The following GPC4 variants were observed in gnomAD, a reference collection of about 807,000 sequenced individuals.
GPC4 encodes glypican-4.
In GPC4, 10 loss-of-function variants were observed where a neutral mutation model predicts 35.0. That is an observed-to-expected ratio of 0.29 (90% confidence interval 0.18 to 0.48). The LOEUF (loss-of-function observed/expected upper bound fraction) is 0.48, where lower values mean the gene tolerates loss of function less well. Ranked by LOEUF, GPC4 falls within the 20% of genes least tolerant of loss-of-function variation. The pLI, the probability that GPC4 is intolerant of heterozygous loss-of-function variation, is 0.99. For missense variants in GPC4, 322 were observed against 451.3 expected (o/e 0.71, Z 2.60); for synonymous variants, 167 against 170.2 (o/e 0.98, Z 0.15).
At chrX:133,411,770 T>C (rs1315883647) in intron 1 of GPC4, among the ~76,000 whole-genome samples, 1 of 111,100 alleles carries the variant, frequency 9.0e-6, no homozygotes, top group Admixed American at 9.6e-5. Context: ...AAACATAATC[T>C]TTGTGTTAAA....
chrX:133,308,998 A>AG (rs1556023595), intron 4 of GPC4, among the ~76,000 whole-genome samples: 42 of 110,507 alleles, frequency 3.8e-4, no homozygotes, highest in African/African-American at 1.3e-3. Flanking sequence ...AAAAAAAAAA[A>AG]AGAGAGAGAG....
chrX:133,349,017 A>T (rs909866147), intron 1 of GPC4, among the ~76,000 whole-genome samples: 3 of 112,415 alleles, frequency 2.7e-5, no homozygotes, highest in African/African-American at 9.7e-5. Flanking sequence ...AAAGCAGCCT[A>T]GACAGAAAAC....
intron 3 of GPC4, among the ~76,000 whole-genome samples, chrX:133,316,669 G>A (rs2068339826): frequency 8.9e-6 from 1 of 111,751 alleles, no homozygotes; most frequent in African/African-American, 3.3e-5. Context: ...AGATAACATT[G>A]TTTAGTAAAA....
chrX:133,401,907 C>G (rs2068768910), intron 1 of GPC4, among the ~76,000 whole-genome samples: 1 of 112,396 alleles, frequency 8.9e-6, no homozygotes, highest in Non-Finnish European at 1.9e-5. Flanking sequence ...ATCCTGGTGA[C>G]AGGTGATGTT....
At chrX:133,318,700 C>G (rs752591518) in intron 3 of GPC4, among the ~76,000 whole-genome samples, 1 of 112,365 alleles carries the variant, frequency 8.9e-6, no homozygotes, top group Non-Finnish European at 1.9e-5. Flanking sequence ...AAGACCACAA[C>G]AGACTTCATC....
At chrX:133,374,180 C>T (rs1293674015) in intron 1 of GPC4, among the ~76,000 whole-genome samples, 5 of 111,313 alleles carry the variant, frequency 4.5e-5, no homozygotes, top group Non-Finnish European at 3.8e-5. Context: ...AAGTGTTTGG[C>T]AACGTGGGGG....
chrX:133,374,246 C>T (rs2068624562), intron 1 of GPC4, among the ~76,000 whole-genome samples: 2 of 111,147 alleles, frequency 1.8e-5, no homozygotes, highest in South Asian at 7.7e-4. Flanking sequence ...GCTCTTTATA[C>T]AAAAGAGTAA....
At chrX:133,312,040 G>C (rs767954956) in intron 3 of GPC4, among the ~76,000 whole-genome samples, 1 of 111,524 alleles carries the variant, frequency 9.0e-6, no homozygotes, top group African/African-American at 3.3e-5. Flanking sequence ...TTAAACTTAG[G>C]GGGTGTGTGA....
At chrX:133,353,229 G>A (rs1229472529) in intron 1 of GPC4, among the ~76,000 whole-genome samples, 2 of 111,650 alleles carry the variant, frequency 1.8e-5, no homozygotes, top group Non-Finnish European at 3.8e-5. Flanking sequence ...AGAATGAAAC[G>A]GCTGCATCTT....
intron 1 of GPC4, 95 bp downstream of exon 1, chrX:133,414,711 C>T (rs181286778): frequency 7.5e-4 from 882 of 1,174,615 alleles, no homozygotes; most frequent in Non-Finnish European, 9.4e-4. Flanking sequence ...GTACCTGCGT[C>T]CGGCGCAGGG....
intron 1 of GPC4, among the ~76,000 whole-genome samples, chrX:133,363,977 T>C (rs1004515687): frequency 3.6e-5 from 4 of 112,217 alleles, no homozygotes; most frequent in African/African-American, 1.3e-4. Context: ...AAACATAGTG[T>C]TCCAAGGTTC....
intron 2 of GPC4, 107 bp downstream of exon 2, chrX:133,339,076 G>C: frequency 1.3e-6 from 1 of 785,933 alleles, no homozygotes; most frequent in Non-Finnish European, 1.9e-6. Context: ...ATCCAACAAG[G>C]ACAACATCTT....
intron 7 of GPC4, among the ~76,000 whole-genome samples, chrX:133,304,386 G>A (rs1468350142): frequency 1.8e-5 from 2 of 111,825 alleles, no homozygotes; most frequent in African/African-American, 3.3e-5. Context: ...TCAGAGAATG[G>A]AACCTTTGAG....
chrX:133,362,390 C>T (rs895929793), intron 1 of GPC4, among the ~76,000 whole-genome samples: 2 of 111,393 alleles, frequency 1.8e-5, no homozygotes, highest in Non-Finnish European at 3.8e-5. Context: ...AAACATAATA[C>T]AAATGTTCTA....
chrX:133,327,933 T>C (rs1370322238), intron 2 of GPC4, among the ~76,000 whole-genome samples: 3 of 110,593 alleles, frequency 2.7e-5, no homozygotes, highest in Non-Finnish European at 5.7e-5. Context: ...GTATGCAATT[T>C]GACAAGTATG....
chrX:133,401,996 ATAAT>A (rs1242303085), intron 1 of GPC4, among the ~76,000 whole-genome samples: 1 of 112,426 alleles, frequency 8.9e-6, no homozygotes, highest in Non-Finnish European at 1.9e-5. Flanking sequence ...GAAATCTTCT[ATAAT>A]TAAGGCAATT....
At chrX:133,322,979 G>A (rs561399143) in intron 3 of GPC4, among the ~76,000 whole-genome samples, 16 of 111,536 alleles carry the variant, frequency 1.4e-4, no homozygotes, top group South Asian at 1.1e-3. Context: ...ATTTCATTTG[G>A]GGGAGGGGAG....
chrX:133,372,447 T>C (rs763851586), intron 1 of GPC4, among the ~76,000 whole-genome samples: 2 of 110,155 alleles, frequency 1.8e-5, no homozygotes, highest in East Asian at 5.8e-4. Context: ...CTTTTTCTTA[T>C]CAATTCCTTT....
chrX:133,318,427 C>T (rs2068348784), intron 3 of GPC4, among the ~76,000 whole-genome samples: 2 of 111,601 alleles, frequency 1.8e-5, no homozygotes, highest in Admixed American at 1.9e-4. Flanking sequence ...ATCCCCTTAA[C>T]CTGGGAGGTG....
Sources: gnomAD v4.1 joint callset for allele counts (sites outside exome capture counted in the v4.1 genomes callset) on GRCh38, gnomAD v4.1.1 for gene constraint, MANE v1.5 for transcripts, NCBI Gene and HGNC (gene_info 2026-07-23, HGNC 2026-07-21) for gene names.